The following STRN3 variants were observed in gnomAD, a reference collection of about 807,000 sequenced individuals.
STRN3 encodes striatin 3, also known as striatin-3.
A neutral mutation model predicts 95.6 loss-of-function variants in STRN3; 29 were observed. The ratio of observed to expected loss-of-function variants is 0.30; its 90% CI spans 0.23 to 0.41. The LOEUF is 0.41. Among genes scored for constraint, STRN3 ranks in the 10% least tolerant of loss-of-function variants. The pLI, the probability that STRN3 is intolerant of heterozygous loss-of-function variation, is 1.00. For missense variants in STRN3, 890 were observed against 972.1 expected (o/e 0.92, Z 1.12); for synonymous variants, 331 against 357.6 (o/e 0.93, Z 0.84).
intron 1 of STRN3, among the ~76,000 whole-genome samples, chr14:30,996,008 G>A (rs1474534554): frequency 1.3e-5 from 2 of 152,142 alleles, no homozygotes; most frequent in South Asian, 2.1e-4. Context: ...CAATTCTGAG[G>A]GCTATCCCAG....
chr14:30,923,642 T>C (rs1372543339), intron 8 of STRN3, among the ~76,000 whole-genome samples: 2 of 152,160 alleles, frequency 1.3e-5, no homozygotes, highest in Non-Finnish European at 2.9e-5. Context: ...TATACATCTT[T>C]TCAAGAAAGG....
chr14:30,914,577 C>T (rs919313329), intron 9 of STRN3, among the ~76,000 whole-genome samples: 2 of 152,168 alleles, frequency 1.3e-5, no homozygotes, highest in African/African-American at 4.8e-5. Flanking sequence ...GGTCTTGACT[C>T]CTGACCTCAA....
At chr14:30,948,743 GA>G (rs1225646477) in intron 4 of STRN3, among the ~76,000 whole-genome samples, 1 of 152,222 alleles carries the variant, frequency 6.6e-6, no homozygotes, top group Non-Finnish European at 1.5e-5. Context: ...AAGTTACAGG[GA>G]AAGATAAAGG....
At chr14:31,003,651 C>A (rs1219592665) in intron 1 of STRN3, among the ~76,000 whole-genome samples, 1 of 152,104 alleles carries the variant, frequency 6.6e-6, no homozygotes, top group African/African-American at 2.4e-5. Context: ...GAAGCCCTCA[C>A]CAGATACAGA....
Position 31,026,270 on chromosome 14 carries a change from G to C in STRN3, c.-85C>G. On this transcript the variant is annotated 5_prime_UTR_variant, in exon 1 of 18. Coordinates refer to ENST00000357479, the MANE Select transcript of STRN3 (RefSeq NM_001083893.2). The stretch of plus-strand genomic sequence containing the variant: ...GAGAGGGTGGCCCCGCGCTGGCTGC[G>C]GGGCGGAGGCCGGCCGGGAGAGGGG... The C allele has an allele frequency of 1.5e-6, 2 of 1,313,484 alleles. No homozygotes were observed. Among genetic ancestry groups the C allele is most frequent in the South Asian group, 3.9e-5 (2 of 50,694 alleles). 81.4% of individuals were successfully genotyped at this position (1,313,484 alleles called of 1,614,324 possible).
At position 31,009,879 on chromosome 14, in the gene STRN3, G is replaced by A. The variant is rs74732526; in HGVS notation, c.282+16025C>T. Among the ~76,000 whole-genome samples the A allele has an allele frequency of 2.1e-3, 320 of 152,208 alleles. 11 individuals carry two copies. In the East Asian group the frequency reaches 0.059, roughly 28 times the overall value. On this transcript the variant is annotated intron_variant, in intron 1 of 17. Transcript: ENST00000357479. The stretch of plus-strand genomic sequence containing the variant: ...TCTGGGAGGCTGGGGTGGTAGGATT[G>A]CTTGAGACCAGGTATTCAAGACCAG...
At position 30,893,990 on chromosome 14, in the gene STRN3, T is replaced by C. The variant is rs1280934582; in HGVS notation, c.*1421A>G. 6.6e-6 allele frequency: 1 copy of C among 152,624 alleles called. No individual in the cohort carries two copies. 9.5% of individuals were successfully genotyped at this position (152,624 alleles called of 1,614,324 possible). ...TCTTAAAAATTTGCTGATTCATAGT[T>C]TGTAAAACAAAAACCTTACAAAACT... On this transcript the variant is annotated 3_prime_UTR_variant, in exon 18 of 18. Transcript: ENST00000357479.
intron 1 of STRN3, among the ~76,000 whole-genome samples, chr14:31,001,710 A>G (rs142891108): frequency 8.9e-4 from 135 of 152,312 alleles, no homozygotes; most frequent in African/African-American, 3.0e-3. Context: ...ACTATTCACA[A>G]TTGCTAAAAC....
intron 1 of STRN3, among the ~76,000 whole-genome samples, chr14:30,974,439 T>C (rs1880985576): frequency 6.6e-6 from 1 of 152,138 alleles, no homozygotes; most frequent in South Asian, 2.1e-4. Context: ...GAAACATATC[T>C]CATGTTAATG....
At chr14:30,999,003 C>T (rs1361985708) in intron 1 of STRN3, among the ~76,000 whole-genome samples, 1 of 152,196 alleles carries the variant, frequency 6.6e-6, no homozygotes, top group Non-Finnish European at 1.5e-5. Flanking sequence ...AGGACCTATA[C>T]ACAGAGGAAA....
chr14:30,956,942 T>C (rs1282197557), intron 1 of STRN3, among the ~76,000 whole-genome samples: 1 of 147,858 alleles, frequency 6.8e-6, no homozygotes, highest in South Asian at 2.1e-4. Flanking sequence ...GCAGATCACC[T>C]GAGGTCAGGA....
chr14:30,915,040 TAAC>T (rs1042939806), intron 9 of STRN3, among the ~76,000 whole-genome samples: 20 of 152,134 alleles, frequency 1.3e-4, no homozygotes, highest in Admixed American at 1.1e-3. Context: ...AACATTAAGA[TAAC>T]AAGGGAGAAA....
intron 1 of STRN3, among the ~76,000 whole-genome samples, chr14:31,013,904 T>TTGAGACAGAGTGTC: frequency 8.8e-6 from 1 of 113,658 alleles, no homozygotes; most frequent in Admixed American, 8.4e-5. Flanking sequence ...TTATTATTAT[T>TTGAGACAGAGTGTC]ATTATTATTA....
Position 30,895,462 on chromosome 14 carries a change from T to C in STRN3, c.2343A>G (p.Lys781=), listed in dbSNP as rs750248116. 2 of 1,614,006 alleles carry C rather than the reference T, an allele frequency of 1.2e-6. No individual in the cohort carries two copies. The highest frequency in any genetic ancestry group is 2.2e-5 in the South Asian group (2 of 91,062). The change falls in exon 18 of 18, where the codon AAA becomes AAG. Residue 781 remains lysine (K), a synonymous_variant. Transcript: ENST00000357479. ...SIYDVAFHSS[K]AYIASAGADA... ...CAGCTCCTGCACTAGCTATATATGC[T>C]TTTGACGAGTGGAAAGCAACATCAT... is the stretch of plus-strand genomic sequence containing the variant.
At chr14:30,916,568 C>T (rs1259224347) in intron 9 of STRN3, among the ~76,000 whole-genome samples, 2 of 151,764 alleles carry the variant, frequency 1.3e-5, no homozygotes, top group Non-Finnish European at 2.9e-5. Context: ...AGCCACCGCG[C>T]CCGGCCTAAA....
intron 16 of STRN3, among the ~76,000 whole-genome samples, chr14:30,899,595 C>T (rs1337666556): frequency 6.6e-6 from 1 of 152,112 alleles, no homozygotes; most frequent in East Asian, 1.9e-4. Context: ...CTATAAGAAA[C>T]TTCTGTTCCT....
At chr14:30,927,006 T>C (rs1366994847) in intron 8 of STRN3, among the ~76,000 whole-genome samples, 1 of 149,092 alleles carries the variant, frequency 6.7e-6, no homozygotes, top group Non-Finnish European at 1.5e-5. Flanking sequence ...AAGGTCCAAT[T>C]AAAAAAAAAA....
chr14:30,979,899 G>A (rs1314509419), intron 1 of STRN3, among the ~76,000 whole-genome samples: 4 of 151,682 alleles, frequency 2.6e-5, no homozygotes, highest in African/African-American at 7.3e-5. Context: ...CATGCCTGGC[G>A]GGACATTTTA....
chr14:30,929,954 C>CAAAAAAAAAAACAAAAAAAAAA (rs1393194244), intron 7 of STRN3, among the ~76,000 whole-genome samples: 6 of 40,000 alleles, frequency 1.5e-4, no homozygotes, highest in African/African-American at 7.4e-4. Flanking sequence ...CTAAGATTAG[C>CAAAAAAAAAAACAAAAAAAAAA]AAAAAAAAAA....
Sources: allele counts gnomAD v4.1 joint callset (sites outside exome capture counted in the v4.1 genomes callset), GRCh38; gene constraint gnomAD v4.1.1; transcripts MANE v1.5; gene names NCBI Gene and HGNC (gene_info 2026-07-23, HGNC 2026-07-21).